Variants in SH3RF3 observed in about 807,000 individuals in gnomAD.
SH3RF3 encodes the protein SH3 domain containing ring finger 3.
SH3RF3 carries 29 observed loss-of-function variants against 66.3 expected under a neutral mutation model. The ratio of observed to expected loss-of-function variants is 0.44; its 90% CI spans 0.33 to 0.60. SH3RF3 has a LOEUF of 0.60. SH3RF3 is among the 20% of genes least tolerant of loss of function. SH3RF3 has a pLI of 0.04. For missense variants in SH3RF3, 1,194 were observed against 1,190.9 expected (o/e 1.00, Z -0.04); for synonymous variants, 583 against 532.0 (o/e 1.10, Z -1.32).
intron 1 of SH3RF3, among the ~76,000 whole-genome samples, chr2:109,232,584 G>C (rs1679539969): frequency 6.6e-6 from 1 of 152,158 alleles, no homozygotes; most frequent in Non-Finnish European, 1.5e-5. Flanking sequence ...CCTAAAAGGA[G>C]ACCAACTGTG....
chr2:109,129,800 G>A lies in SH3RF3; in HGVS notation c.260G>A (p.Cys87Tyr). ...CGCCGCTGCCTGGAGAGCATCGTGT[G>A]CTCGCGCCACGAGCTGCGCTGCCCC... is the stretch of plus-strand genomic sequence containing the variant. ...FCRRCLESIV[C>Y]SRHELRCPEC... is the part of the protein sequence containing the mutation. The change falls in exon 1 of 10, where the codon TGC (cysteine) becomes TAC (tyrosine). Residue 87 changes from cysteine (C) to tyrosine (Y), a missense_variant. By Grantham distance (194) the Cys-to-Tyr change is radical (BLOSUM62 -2). Transcript: ENST00000309415. 6.5e-7 allele frequency: 1 copy of A among 1,538,754 alleles called. No homozygotes were observed. Among genetic ancestry groups the A allele is most frequent in the Non-Finnish European group, 8.7e-7 (1 of 1,145,430 alleles).
In SH3RF3 at chr2:109,129,491, C is replaced by A. The variant is rs753947567; in HGVS notation, c.-50C>A. 2.7e-6 allele frequency: 4 copies of A among 1,494,492 alleles called. No homozygotes were observed. The highest frequency in any genetic ancestry group is 3.5e-6 in the Non-Finnish European group (4 of 1,128,022). The allele number at this position is 1,494,492 out of a possible 1,614,324, so 92.6% of individuals were successfully genotyped here. ...TGGCTGCCGGTGGCGGGCTCCACGCCGGCCCCGGGACCTAGGCAGCCGCGC... is the reference window on the plus strand; with the variant it reads ...TGGCTGCCGGTGGCGGGCTCCACGCAGGCCCCGGGACCTAGGCAGCCGCGC... On this transcript the variant is annotated 5_prime_UTR_variant, in exon 1 of 10. Transcript: ENST00000309415.
At chr2:109,207,470 A>T (rs1170779684) in intron 1 of SH3RF3, among the ~76,000 whole-genome samples, 1 of 152,202 alleles carries the variant, frequency 6.6e-6, no homozygotes, top group South Asian at 2.1e-4. Context: ...TTATATATGT[A>T]ATAATGTTAT....
At chr2:109,240,712 C>G (rs1679757059) in intron 1 of SH3RF3, among the ~76,000 whole-genome samples, 1 of 152,128 alleles carries the variant, frequency 6.6e-6, no homozygotes, top group Non-Finnish European at 1.5e-5. Context: ...TCCCTCCCTC[C>G]CACCTCTGAG....
intron 8 of SH3RF3, among the ~76,000 whole-genome samples, chr2:109,468,204 G>A (rs1174755791): frequency 6.6e-6 from 1 of 152,196 alleles, no homozygotes; most frequent in Non-Finnish European, 1.5e-5. Flanking sequence ...GACACACCTA[G>A]GCTGTGTGGT....
At chr2:109,319,126 C>T (rs1229248634) in intron 1 of SH3RF3, among the ~76,000 whole-genome samples, 1 of 152,152 alleles carries the variant, frequency 6.6e-6, no homozygotes, top group Admixed American at 6.5e-5. Context: ...GAGGCACTCC[C>T]ATCTCTGCCT....
intron 8 of SH3RF3, among the ~76,000 whole-genome samples, chr2:109,470,397 G>A (rs1285310679): frequency 6.6e-6 from 1 of 152,136 alleles, no homozygotes; most frequent in Non-Finnish European, 1.5e-5. Context: ...CCCTGGAAGC[G>A]CCTTGTCAAT....
At chr2:109,348,070 C>T (rs971522054) in intron 2 of SH3RF3, 121 bp downstream of exon 2, 5 of 1,350,466 alleles carry the variant, frequency 3.7e-6, no homozygotes, top group East Asian at 5.1e-5. Context: ...CCTGGCTCCT[C>T]CCGGAACCCT....
intron 1 of SH3RF3, among the ~76,000 whole-genome samples, chr2:109,187,735 A>G (rs767891392): frequency 6.6e-6 from 1 of 152,198 alleles, no homozygotes; most frequent in Non-Finnish European, 1.5e-5. Context: ...TAAGTGGTGC[A>G]TGACTGTGTA....
chr2:109,314,917 G>A (rs761682698), intron 1 of SH3RF3, among the ~76,000 whole-genome samples: 3 of 152,192 alleles, frequency 2.0e-5, no homozygotes, highest in African/African-American at 4.8e-5. Context: ...GTGACCAAAA[G>A]AAACTTCGTC....
intron 1 of SH3RF3, among the ~76,000 whole-genome samples, chr2:109,184,668 C>T (rs563993284): frequency 6.6e-6 from 1 of 152,220 alleles, no homozygotes; most frequent in Non-Finnish European, 1.5e-5. Context: ...CCAGCCCACA[C>T]TGGGCTGCCT....
At chr2:109,370,346 T>A (rs1683242756) in intron 2 of SH3RF3, among the ~76,000 whole-genome samples, 1 of 152,002 alleles carries the variant, frequency 6.6e-6, no homozygotes, top group Non-Finnish European at 1.5e-5. Flanking sequence ...TTCAAGCGAT[T>A]CTCCTGCCTC....
intron 8 of SH3RF3, among the ~76,000 whole-genome samples, chr2:109,472,298 C>T (rs1678537007): frequency 6.6e-6 from 1 of 151,518 alleles, no homozygotes; most frequent in Non-Finnish European, 1.5e-5. Flanking sequence ...CAGGAGAGGA[C>T]CCGGCCAGGG....
At chr2:109,334,539 C>G (rs1340492173) in intron 1 of SH3RF3, among the ~76,000 whole-genome samples, 1 of 152,060 alleles carries the variant, frequency 6.6e-6, no homozygotes, top group Non-Finnish European at 1.5e-5. Context: ...GTGGTGCCAG[C>G]CAGCAGGGGA....
intron 1 of SH3RF3, among the ~76,000 whole-genome samples, chr2:109,159,931 A>G (rs1264328591): frequency 6.6e-6 from 1 of 152,218 alleles, no homozygotes; most frequent in Non-Finnish European, 1.5e-5. Flanking sequence ...TGAGTTGTAT[A>G]ATTATTTAAT....
At chr2:109,379,300 A>G (rs1683458145) in intron 3 of SH3RF3, among the ~76,000 whole-genome samples, 1 of 152,240 alleles carries the variant, frequency 6.6e-6, no homozygotes, top group Admixed American at 6.5e-5. Context: ...TTCAGTGCCA[A>G]AGTAATAATC....
chr2:109,437,759 T>G (rs1173831215), intron 7 of SH3RF3, among the ~76,000 whole-genome samples: 1 of 151,972 alleles, frequency 6.6e-6, no homozygotes, highest in Non-Finnish European at 1.5e-5. Context: ...TGTTGTGAGA[T>G]GAAAAGAAAT....
intron 1 of SH3RF3, among the ~76,000 whole-genome samples, chr2:109,344,749 G>C (rs934295147): frequency 2.0e-5 from 3 of 152,140 alleles, no homozygotes; most frequent in African/African-American, 4.8e-5. Context: ...CAAGGGAAAG[G>C]GTGGGCACAG....
chr2:109,431,246 A>G lies in SH3RF3; in HGVS notation c.1404-1255A>G, dbSNP rs1677205036. Among the ~76,000 whole-genome samples the G allele has an allele frequency of 3.9e-5, 6 of 152,132 alleles. No individual in the cohort carries two copies. In the South Asian group the frequency reaches 8.3e-4, roughly 21 times the overall value. ...GCCGCTGGATAGGGTCAGCATCCCC[A>G]CCCAGCAGCCTGCACTGGTGTGAGG... On this transcript the variant is annotated intron_variant, in intron 5 of 9. Coordinates refer to ENST00000309415, the MANE Select transcript of SH3RF3 (RefSeq NM_001099289.3).
Sources: gnomAD v4.1 joint callset for allele counts (sites outside exome capture counted in the v4.1 genomes callset) on GRCh38, gnomAD v4.1.1 for gene constraint, MANE v1.5 for transcripts, NCBI Gene and HGNC (gene_info 2026-07-23, HGNC 2026-07-21) for gene names.